EDARADD: variants seen among roughly 807,000 people sequenced by gnomAD.
EDARADD encodes EDAR associated via death domain.
In EDARADD, 20 loss-of-function variants were observed where a neutral mutation model predicts 25.6. The ratio of observed to expected loss-of-function variants is 0.78; its 90% CI spans 0.55 to 1.14. The LOEUF (loss-of-function observed/expected upper bound fraction) is 1.14. EDARADD is among the 50% of genes most tolerant of loss of function. The pLI is 0.00. For missense variants in EDARADD, 225 were observed against 270.1 expected (o/e 0.83, Z 1.17); for synonymous variants, 86 against 94.4 (o/e 0.91, Z 0.52).
intron 3 of EDARADD, among the ~76,000 whole-genome samples, chr1:236,381,825 T>TTTTTTTG: frequency 6.9e-6 from 1 of 145,504 alleles, no homozygotes; most frequent in South Asian, 2.2e-4. Context: ...TTTTTTTTTT[T>TTTTTTTG]CAGAGTTGGA....
rs1040817720 is a variant in EDARADD at position 236,353,310 on chromosome 1, G to A, written c.-6+2471G>A. Among the ~76,000 whole-genome samples, 12 of 152,144 alleles carry A rather than the reference G, an allele frequency of 7.9e-5. No homozygotes were observed. In the South Asian group the frequency reaches 1.2e-3, roughly 16 times the overall value. On this transcript the variant is annotated intron_variant, in intron 3 of 7. Coordinates refer to the EDARADD transcript ENST00000439430. ...GCTATGATAAGTGGTGGTAAAAGTC[G>A]TTCTAGCTCTGAGTTTGTAGGATTA...
chr1:236,476,954 T>C (rs899434466), intron 5 of EDARADD, among the ~76,000 whole-genome samples: 6 of 151,216 alleles, frequency 4.0e-5, no homozygotes, highest in Non-Finnish European at 8.8e-5. Context: ...ATTGCAGCAC[T>C]GCACTCCAGC....
chr1:236,399,612 C>T (rs1354292051), intron 1 of EDARADD, among the ~76,000 whole-genome samples: 3 of 152,190 alleles, frequency 2.0e-5, no homozygotes, highest in African/African-American at 7.2e-5. Flanking sequence ...TGTGTCTCTC[C>T]CACTGAGAAA....
In EDARADD at chr1:236,427,466, A is replaced by G. The variant is rs756488564; in HGVS notation, c.219+16A>G. 2.8e-5 allele frequency: 45 copies of G among 1,608,944 alleles called. No individual in the cohort carries two copies. In the Middle Eastern group the frequency reaches 1.3e-3, roughly 48 times the overall value. On this transcript the variant is annotated intron_variant, in intron 4 of 5. Coordinates refer to ENST00000334232, the MANE Select transcript of EDARADD (RefSeq NM_145861.4). ...GAAAAATCAGGTAAGAATAATTTCA[A>G]CTATATTTTACCCTTAGGTACATGA...
intron 4 of EDARADD, 35 bp from the exon 5 acceptor site, chr1:236,468,196 T>G: frequency 3.1e-6 from 5 of 1,599,356 alleles, no homozygotes; most frequent in South Asian, 1.1e-5. Flanking sequence ...CACATTTGGA[T>G]ATGATTTTAA....
intron 2 of EDARADD, among the ~76,000 whole-genome samples, chr1:236,411,113 C>G (rs767133040): frequency 1.3e-5 from 2 of 152,182 alleles, no homozygotes; most frequent in African/African-American, 4.8e-5. Context: ...TTTTCTTTCC[C>G]TCCCTTGGAG....
At position 236,482,371 on chromosome 1, in the gene EDARADD, G is replaced by A. The variant is rs147501905; in HGVS notation, c.370G>A (p.Val124Met). The A allele has an allele frequency of 1.1e-5, 18 of 1,614,132 alleles. No homozygotes were observed. The East Asian group carries it at 2.0e-4, about 18-fold the overall frequency. Reference protein sequence around the residue: ...DLLNDQDLLDVIRIKLDPCHP... With the variant: ...DLLNDQDLLDMIRIKLDPCHP... Reference sequence around the variant, plus strand: ...GCTCAATGATCAGGACTTACTAGACGTGATCAGGATAAAGCTGGATCCGTG... The same window carrying A: ...GCTCAATGATCAGGACTTACTAGACATGATCAGGATAAAGCTGGATCCGTG... The change falls in exon 6 of 6, where the codon GTG becomes ATG. Residue 124 changes from valine to methionine, a missense_variant. Coordinates refer to ENST00000334232, the MANE Select transcript of EDARADD (RefSeq NM_145861.4).
At chr1:236,429,281 AC>A (rs1658031723) in intron 4 of EDARADD, among the ~76,000 whole-genome samples, 2 of 146,110 alleles carry the variant, frequency 1.4e-5, no homozygotes, top group Non-Finnish European at 3.0e-5. Flanking sequence ...ATCTCGGCTC[AC>A]TGTAACCTCT....
rs144368160 is a variant in EDARADD at position 236,441,825 on chromosome 1, C to T, written c.219+14375C>T. On this transcript the variant is annotated intron_variant, in intron 4 of 5. Transcript: ENST00000334232. Reference sequence around the variant, plus strand: ...GAATACAGATGTGAGTCACCGCACCCGGCCTCCTAACCCTCTTTAATTCTA... The same window carrying T: ...GAATACAGATGTGAGTCACCGCACCTGGCCTCCTAACCCTCTTTAATTCTA... Among the ~76,000 whole-genome samples the T allele has an allele frequency of 3.2e-3, 494 of 152,212 alleles. 3 individuals carry two copies. Among genetic ancestry groups the T allele is most frequent in the African/African-American group, 0.01 (429 of 41,524 alleles).
intron 5 of EDARADD, among the ~76,000 whole-genome samples, chr1:236,480,112 T>TATATAC (rs1243384849): frequency 1.1e-5 from 1 of 87,566 alleles, no homozygotes; most frequent in African/African-American, 3.7e-5. Context: ...TATATATATA[T>TATATAC]ATATATATAT....
intron 3 of EDARADD, among the ~76,000 whole-genome samples, chr1:236,377,649 A>G (rs1394695148): frequency 6.6e-5 from 10 of 151,174 alleles, no homozygotes; most frequent in Admixed American, 5.3e-4. Context: ...CATAAGGTCA[A>G]GAAATCGAGA....
intron 1 of EDARADD, among the ~76,000 whole-genome samples, chr1:236,401,252 C>T (rs1667608238): frequency 6.6e-6 from 1 of 152,096 alleles, no homozygotes; most frequent in Non-Finnish European, 1.5e-5. Flanking sequence ...ATTAATCCTG[C>T]AATCACACAT....
At chr1:236,426,495 T>C (rs1657923000) in intron 3 of EDARADD, among the ~76,000 whole-genome samples, 1 of 152,170 alleles carries the variant, frequency 6.6e-6, no homozygotes. Flanking sequence ...CCATGGGCTG[T>C]GTGAGACAAA....
At chr1:236,425,938 G>A (rs1657906618) in intron 3 of EDARADD, among the ~76,000 whole-genome samples, 1 of 151,484 alleles carries the variant, frequency 6.6e-6, no homozygotes, top group Non-Finnish European at 1.5e-5. Flanking sequence ...TGTTCATTAT[G>A]CCAGTTGTTT....
intron 5 of EDARADD, among the ~76,000 whole-genome samples, chr1:236,468,844 C>A (rs774119695): frequency 6.6e-6 from 1 of 152,076 alleles, no homozygotes; most frequent in African/African-American, 2.4e-5. Context: ...TAGGATCAGG[C>A]CAGTCGGGAC....
rs529333189 is a variant in EDARADD, at chr1:236,458,380, A to G, written c.220-9851A>G. On this transcript the variant is annotated intron_variant, in intron 4 of 5. Coordinates refer to ENST00000334232, the MANE Select transcript of EDARADD (RefSeq NM_145861.4). ...AAAAAACTTATCTGATGTATTGTTA[A>G]ACAGATAAAGCAAGTTGTAGATCAA... Among the ~76,000 whole-genome samples, 3 of 152,302 alleles carry G rather than the reference A, an allele frequency of 2.0e-5. No individual in the cohort carries two copies. The South Asian group carries it at 6.2e-4, about 32-fold the overall frequency.
At chr1:236,460,056 C>A (rs1236680434) in intron 4 of EDARADD, among the ~76,000 whole-genome samples, 1 of 152,156 alleles carries the variant, frequency 6.6e-6, no homozygotes, top group Non-Finnish European at 1.5e-5. Context: ...CATTCCATTA[C>A]TGGATTATAA....
At chr1:236,478,822 A>G (rs927345677) in intron 5 of EDARADD, among the ~76,000 whole-genome samples, 16 of 152,134 alleles carry the variant, frequency 1.1e-4, no homozygotes, top group Non-Finnish European at 2.1e-4. Context: ...TGCTGACCTC[A>G]TGATCCACCC....
At chr1:236,378,201 T>C (rs1419399064) in intron 3 of EDARADD, among the ~76,000 whole-genome samples, 1 of 152,144 alleles carries the variant, frequency 6.6e-6, no homozygotes, top group Non-Finnish European at 1.5e-5. Flanking sequence ...TAGTTTCTTC[T>C]AAGATCAGGC....
Sources: gnomAD v4.1 joint callset for allele counts (sites outside exome capture counted in the v4.1 genomes callset) on GRCh38, gnomAD v4.1.1 for gene constraint, MANE v1.5 for transcripts, NCBI Gene and HGNC (gene_info 2026-07-23, HGNC 2026-07-21) for gene names.